PDE4D: variants seen among roughly 807,000 people sequenced by gnomAD.
PDE4D encodes the protein phosphodiesterase 4D.
A neutral mutation model predicts 87.4 loss-of-function variants in PDE4D; 24 were observed. That is an observed-to-expected ratio of 0.27 (90% CI 0.20 to 0.39). PDE4D has a LOEUF of 0.39. Among genes scored for constraint, PDE4D ranks in the 10% least tolerant of loss-of-function variants. The probability of loss-of-function intolerance (pLI) is 1.00; values close to 1 mark genes in which losing one functional copy is unlikely to be tolerated. For missense variants in PDE4D, 714 were observed against 1,041.0 expected (o/e 0.69, Z 4.32); for synonymous variants, 384 against 383.2 (o/e 1.00, Z -0.02).
chr5:59,530,944 T>G (rs1353606212), intron 1 of PDE4D, among the ~76,000 whole-genome samples: 3 of 152,242 alleles, frequency 2.0e-5, no homozygotes, highest in African/African-American at 7.2e-5. Context: ...CCTCAATTGT[T>G]TGCCTTAGAC....
chr5:59,960,463 T>A (rs1365128172), intron 3 of PDE4D, among the ~76,000 whole-genome samples: 2 of 152,114 alleles, frequency 1.3e-5, no homozygotes, highest in Non-Finnish European at 2.9e-5. Flanking sequence ...TAGGTGCCCA[T>A]CAACGGTGGA....
chr5:59,935,127 G>A (rs530711406), intron 3 of PDE4D, among the ~76,000 whole-genome samples: 53 of 152,150 alleles, frequency 3.5e-4, no homozygotes, highest in African/African-American at 1.2e-3. Context: ...CCAATCCATT[G>A]GGCATAGAAG....
At chr5:60,425,150 C>T (rs554977142) in intron 1 of PDE4D, among the ~76,000 whole-genome samples, 63 of 152,246 alleles carry the variant, frequency 4.1e-4, no homozygotes, top group African/African-American at 1.5e-3. Context: ...ATCAAGCCAC[C>T]AATGACTTTC....
Position 60,375,105 on chromosome 5 carries a change from A to G in PDE4D, c.-90+112837T>C, listed in dbSNP as rs571320703. On this transcript the variant is annotated intron_variant, in intron 1 of 16. Coordinates refer to the PDE4D transcript ENST00000502484. ...CAATCTTTCTGGAATCAGCTTCTTT[A>G]ATCAGAGTCTTGTTCTTTCTACTTC... is the stretch of plus-strand genomic sequence containing the variant. Among the ~76,000 whole-genome samples, 11 of 152,282 alleles carry G rather than the reference A, an allele frequency of 7.2e-5. 1 individual carries two copies. The South Asian group carries it at 2.1e-3, about 29-fold the overall frequency.
intron 2 of PDE4D, among the ~76,000 whole-genome samples, chr5:59,204,675 A>T (rs2153498021): frequency 6.6e-6 from 1 of 152,316 alleles, no homozygotes; most frequent in South Asian, 2.1e-4. Context: ...ACAGCGAAAG[A>T]GTTGAGTACA....
At chr5:60,324,242 G>C (rs371327472) in intron 1 of PDE4D, among the ~76,000 whole-genome samples, 2 of 152,286 alleles carry the variant, frequency 1.3e-5, no homozygotes, top group African/African-American at 4.8e-5. Flanking sequence ...CTCTAAAATA[G>C]TCTGAATTTG....
chr5:59,836,578 G>T (rs1013840896), intron 1 of PDE4D, among the ~76,000 whole-genome samples: 1 of 151,230 alleles, frequency 6.6e-6, no homozygotes, highest in South Asian at 2.1e-4. Context: ...CCATTTTGAG[G>T]CTATACTCAC....
At chr5:60,508,888 C>A (rs957686022) in intron 1 of PDE4D, among the ~76,000 whole-genome samples, 1 of 146,226 alleles carries the variant, frequency 6.8e-6, no homozygotes, top group African/African-American at 2.7e-5. Flanking sequence ...TCTTTCTTTT[C>A]TTTTATTTAT....
At chr5:60,220,261 T>C (rs1744347537) in intron 1 of PDE4D, among the ~76,000 whole-genome samples, 2 of 152,244 alleles carry the variant, frequency 1.3e-5, no homozygotes, top group Non-Finnish European at 1.5e-5. Flanking sequence ...TCCAAGATGA[T>C]AAGAAAGGGA....
chr5:59,960,472 G>A, intron 3 of PDE4D, among the ~76,000 whole-genome samples: 1 of 152,100 alleles, frequency 6.6e-6, no homozygotes, highest in Non-Finnish European at 1.5e-5. Context: ...ATCAACGGTG[G>A]ATTGGATAAA....
chr5:58,975,123 T>C lies in PDE4D; in HGVS notation c.2014-43A>G. 1 of 1,209,676 alleles carries C rather than the reference T, an allele frequency of 8.3e-7. No individual in the cohort carries two copies. Among genetic ancestry groups the C allele is most frequent in the Non-Finnish European group, 1.1e-6 (1 of 904,794 alleles). The allele number at this position is 1,209,676 out of a possible 1,614,324, so 74.9% of individuals were successfully genotyped here. ...CCAGTATGAGTAGAGGACTTGGGAC[T>C]AAGAAACAATGGAAAAGCTTAATTA... On this transcript the variant is annotated intron_variant, in intron 14 of 14. Transcript: ENST00000340635. This position sits in a 1 kb window ranked among gnomAD's most constrained non-coding sequence, Gnocchi z 4.2.
intron 6 of PDE4D, among the ~76,000 whole-genome samples, chr5:58,995,921 A>C (rs1420580325): frequency 6.6e-6 from 1 of 152,214 alleles, no homozygotes; most frequent in African/African-American, 2.4e-5. Context: ...GGATTAAGAA[A>C]ATGTGGCACA....
intron 5 of PDE4D, among the ~76,000 whole-genome samples, chr5:59,174,974 G>A (rs1783595868): frequency 6.6e-6 from 1 of 152,200 alleles, no homozygotes; most frequent in Admixed American, 6.5e-5. Flanking sequence ...TGGAAATTCA[G>A]AAGCATTGAA....
chr5:59,893,069 G>T (rs554003425), intron 1 of PDE4D, 99 bp downstream of exon 1: 2 of 1,209,798 alleles, frequency 1.7e-6, no homozygotes, highest in African/African-American at 1.6e-5. Context: ...TTTTACCCTG[G>T]GTCTAGAATT....
At chr5:60,117,154 G>C (rs967618513) in intron 2 of PDE4D, among the ~76,000 whole-genome samples, 37 of 151,446 alleles carry the variant, frequency 2.4e-4, no homozygotes, top group African/African-American at 8.7e-4. Context: ...AGTTAATGTT[G>C]TATTTTGTTT....
chr5:59,191,106 C>T (rs1029702594), intron 3 of PDE4D, among the ~76,000 whole-genome samples: 1 of 152,102 alleles, frequency 6.6e-6, no homozygotes, highest in African/African-American at 2.4e-5. Context: ...ATTAAGTACA[C>T]ATCTTTTTTA....
intron 1 of PDE4D, among the ~76,000 whole-genome samples, chr5:60,431,369 CAG>C (rs766834748): frequency 3.3e-5 from 5 of 150,512 alleles, no homozygotes; most frequent in Admixed American, 2.6e-4. Flanking sequence ...GGCGGCCGGG[CAG>C]AGACGCTCCT....
intron 3 of PDE4D, among the ~76,000 whole-genome samples, chr5:59,959,333 A>G (rs1759213100): frequency 6.6e-6 from 1 of 152,198 alleles, no homozygotes; most frequent in African/African-American, 2.4e-5. Flanking sequence ...GAAGTTATCA[A>G]TGTTATTTTT....
chr5:59,123,100 G>A (rs183633550), intron 5 of PDE4D, among the ~76,000 whole-genome samples: 4 of 152,020 alleles, frequency 2.6e-5, no homozygotes, highest in African/African-American at 9.6e-5. Context: ...CCCAAAGCCG[G>A]TAGATGTCTC....
Sources: gnomAD v4.1 joint callset for allele counts (sites outside exome capture counted in the v4.1 genomes callset) on GRCh38, gnomAD v4.1.1 for gene constraint, Gnocchi (gnomAD v3.1) non-coding constraint, MANE v1.5 for transcripts, NCBI Gene and HGNC (gene_info 2026-07-23, HGNC 2026-07-21) for gene names.